The following PTAFR variants were observed in gnomAD, a reference collection of about 807,000 sequenced individuals.
The protein encoded by PTAFR is platelet-activating factor receptor.
In PTAFR, 8 loss-of-function variants were observed where a neutral mutation model predicts 14.7. The observed-to-expected ratio is 0.54, with a 90% CI of 0.32 to 0.98. The LOEUF is 0.98. Among genes scored for constraint, PTAFR ranks in the 50% least tolerant of loss-of-function variants. The probability of loss-of-function intolerance (pLI) is 0.04; values close to 1 mark genes in which losing one functional copy is unlikely to be tolerated. For synonymous variants in PTAFR, 156 were observed against 176.5 expected (o/e 0.88, Z 0.92); for missense variants, 337 against 451.2 (o/e 0.75, Z 2.29).
chr1:28,184,535 A>G lies in PTAFR; in HGVS notation c.-39+9187T>C, dbSNP rs530543861. Among the ~76,000 whole-genome samples the G allele has an allele frequency of 3.3e-5, 5 of 152,280 alleles. 1 individual carries two copies. Among genetic ancestry groups the G allele is most frequent in the African/African-American group, 1.2e-4 (5 of 41,576 alleles). On this transcript the variant is annotated intron_variant, in intron 1 of 1. Coordinates refer to the PTAFR transcript ENST00000305392. ...CTTTAAAGCACCCTCAAGACCCTGT[A>G]AGACCTCACCTCATCTCCTACATCT...
intron 1 of PTAFR, among the ~76,000 whole-genome samples, chr1:28,152,763 AAAT>A (rs1425416106): frequency 6.6e-6 from 1 of 152,064 alleles, no homozygotes; most frequent in Non-Finnish European, 1.5e-5. Context: ...AATAAGTAAT[AAAT>A]AATAATAAAA....
chr1:28,189,148 AAAT>A (rs1646630635), intron 1 of PTAFR, among the ~76,000 whole-genome samples: 1 of 152,272 alleles, frequency 6.6e-6, no homozygotes, highest in Non-Finnish European at 1.5e-5. Context: ...AAGAAAAATA[AAAT>A]AATAAAAAAT....
In PTAFR at chr1:28,150,994, C is replaced by A; in HGVS notation, c.28G>T (p.Asp10Tyr). The change falls in exon 2 of 2, where the codon GAC becomes TAC. Residue 10 changes from aspartate to tyrosine, a missense_variant. Coordinates refer to ENST00000373857, the MANE Select transcript of PTAFR (RefSeq NM_000952.5). This position sits in a 1 kb window ranked among gnomAD's most constrained non-coding sequence, Gnocchi z 6.3. The part of the protein sequence containing the change: MEPHDSSHM[D>Y]SEFRYTLFPI... Reference sequence around the variant, plus strand: ...AAGAGAGTGTATCGGAACTCAGAGTCCATGTGGGAGGAGTCATGTGGCTCC... The same window carrying A: ...AAGAGAGTGTATCGGAACTCAGAGTACATGTGGGAGGAGTCATGTGGCTCC... The A allele has an allele frequency of 6.2e-7, 1 of 1,601,892 alleles. No homozygotes were observed. Among genetic ancestry groups the A allele is most frequent in the South Asian group, 1.1e-5 (1 of 89,188 alleles).
chr1:28,181,144 G>T (rs114407651), upstream of PTAFR, among the ~76,000 whole-genome samples: 3,089 of 152,188 alleles, frequency 0.02, 117 homozygotes, highest in African/African-American at 0.07. Context: ...ACCACGCCCG[G>T]TCGTGTGTTA....
intron 1 of PTAFR, among the ~76,000 whole-genome samples, chr1:28,170,242 C>G (rs1259024655): frequency 4.6e-5 from 7 of 152,164 alleles, no homozygotes; most frequent in Admixed American, 3.9e-4. Context: ...TCCTACATAG[C>G]AAACACATGA....
chr1:28,175,062 C>A (rs894889176), intron 1 of PTAFR, among the ~76,000 whole-genome samples: 1 of 151,990 alleles, frequency 6.6e-6, no homozygotes, highest in Non-Finnish European at 1.5e-5. Flanking sequence ...GAGTAGCACC[C>A]GCCACCACGC....
upstream of PTAFR, among the ~76,000 whole-genome samples, chr1:28,179,266 G>C (rs919069506): frequency 2.0e-5 from 3 of 152,182 alleles, no homozygotes; most frequent in African/African-American, 7.2e-5. Flanking sequence ...GGATCAACCA[G>C]CCTCCATTGC....
In PTAFR at chr1:28,153,985, CAG is replaced by C. The variant is rs759573928; in HGVS notation, c.-38-2928_-38-2927del. 2.5e-3 allele frequency among the ~76,000 whole-genome samples: 375 copies of C among 147,608 alleles called. 1 individual carries two copies. The highest frequency in any genetic ancestry group is 4.0e-3 in the Non-Finnish European group (270 of 67,308). ...GGGAGGATCGCTGGAGCCCGGGAGG[CAG>C]AGGTTGCAGTGAGCGGAGATTGTGC... is the stretch of plus-strand genomic sequence containing the variant. On this transcript the variant is annotated intron_variant, in intron 1 of 1. Transcript: ENST00000373857.
At position 28,149,325 on chromosome 1, in the gene PTAFR, C is replaced by CTTTTTTTT. The variant is rs34668678; in HGVS notation, c.*660_*667dup. On this transcript the variant is annotated 3_prime_UTR_variant, in exon 2 of 2. Coordinates refer to ENST00000373857, the MANE Select transcript of PTAFR (RefSeq NM_000952.5). ...ATCACTTGAGAGTAGTTGCCCAAAGCTTTTTTTTTTTTTTTTTTTTTTTTT... is the reference window on the plus strand; with the variant it reads ...ATCACTTGAGAGTAGTTGCCCAAAGCTTTTTTTTTTTTTTTTTTTTTTTTTTTTTTTTT... The CTTTTTTTT allele has an allele frequency of 1.4e-5, 1 of 69,554 alleles. No homozygotes were observed. Among genetic ancestry groups the CTTTTTTTT allele is most frequent in the African/African-American group, 6.7e-5 (1 of 14,952 alleles). The allele number at this position is 69,554 out of a possible 1,614,324, so 4.3% of individuals were successfully genotyped here.
At position 28,153,254 on chromosome 1, in the gene PTAFR, GAACAA is replaced by G. The variant is rs565910090; in HGVS notation, c.-38-2200_-38-2196del. On this transcript the variant is annotated intron_variant, in intron 1 of 1. Transcript: ENST00000373857. The stretch of plus-strand genomic sequence containing the variant: ...AGACAACATAGTGAGACACCATTTC[GAACAA>G]AACAAAACAGTTGCTCCCTTCCCTC... 5.3e-5 allele frequency among the ~76,000 whole-genome samples: 8 copies of G among 152,226 alleles called. No homozygotes were observed. The South Asian group carries it at 1.7e-3, about 32-fold the overall frequency.
At position 28,150,827 on chromosome 1, in the gene PTAFR, G is replaced by A. The variant is rs755182739; in HGVS notation, c.195C>T (p.Leu65=). 2 of 1,614,170 alleles carry A rather than the reference G, an allele frequency of 1.2e-6. No individual in the cohort carries two copies. Among genetic ancestry groups the A allele is most frequent in the Admixed American group, 1.7e-5 (1 of 59,998 alleles). ...TCCAAAGTGGCAGGGTGATCAAGAA[G>A]AGCATGTCCGCCATGGTGAGGTTCA... The part of the protein sequence containing the change: ...FMVNLTMADM[L]FLITLPLWIV... The change falls in exon 2 of 2, where the codon CTC becomes CTT. Residue 65 remains leucine (L), a synonymous_variant. Transcript: ENST00000373857. The surrounding 1 kb of genome is among the most constrained non-coding windows in gnomAD (Gnocchi z 6.3).
At chr1:28,162,378 A>G (rs1572035153) in intron 1 of PTAFR, among the ~76,000 whole-genome samples, 1 of 152,068 alleles carries the variant, frequency 6.6e-6, no homozygotes, top group East Asian at 1.9e-4. Flanking sequence ...AGGATTGCCT[A>G]CTCCCCAGAC....
chr1:28,172,792 A>G lies in PTAFR; in HGVS notation c.-39+3800T>C, dbSNP rs539409329. ...GGCCTCAGCTGTGCCACTCACCCAC[A>G]TATCTTGACTGAGCCTCATTCCAGC... On this transcript the variant is annotated intron_variant, in intron 1 of 1. Coordinates refer to ENST00000373857, the MANE Select transcript of PTAFR (RefSeq NM_000952.5). Among the ~76,000 whole-genome samples the G allele has an allele frequency of 5.3e-5, 8 of 152,214 alleles. No individual in the cohort carries two copies. The South Asian group carries it at 1.0e-3, about 20-fold the overall frequency.
At chr1:28,164,834 C>T (rs1344462846) in intron 1 of PTAFR, among the ~76,000 whole-genome samples, 1 of 152,120 alleles carries the variant, frequency 6.6e-6, no homozygotes, top group Admixed American at 6.6e-5. Flanking sequence ...GGAAGAGATG[C>T]CTTTGACCTG....
At chr1:28,182,750 G>A (rs1433694964) in intron 1 of PTAFR, among the ~76,000 whole-genome samples, 1 of 152,128 alleles carries the variant, frequency 6.6e-6, no homozygotes, top group Admixed American at 6.6e-5. Context: ...GCACGATCTC[G>A]GCTCCCTGCA....
At chr1:28,192,637 G>T (rs748878140) in intron 1 of PTAFR, among the ~76,000 whole-genome samples, 132 of 147,056 alleles carry the variant, frequency 9.0e-4, no homozygotes, top group Non-Finnish European at 1.4e-3. Context: ...TAAATGCTGG[G>T]TTTTTTTTTT....
chr1:28,158,054 G>A (rs548163068), intron 1 of PTAFR, among the ~76,000 whole-genome samples: 1 of 152,334 alleles, frequency 6.6e-6, no homozygotes, highest in South Asian at 2.1e-4. Context: ...TCCCGGAGCT[G>A]AGCAGTGCCC....
At position 28,150,125 on chromosome 1, in the gene PTAFR, C is replaced by T. The variant is rs376681762; in HGVS notation, c.897G>A (p.Lys299=). The T allele has an allele frequency of 1.9e-6, 3 of 1,614,182 alleles. No homozygotes were observed. Among genetic ancestry groups the T allele is most frequent in the Non-Finnish European group, 2.5e-6 (3 of 1,180,034 alleles). Residue 299 remains lysine (K), a synonymous_variant, in exon 2 of 2, where the codon AAG becomes AAA. Coordinates refer to ENST00000373857, the MANE Select transcript of PTAFR (RefSeq NM_000952.5). This position sits in a 1 kb window ranked among gnomAD's most constrained non-coding sequence, Gnocchi z 6.3. ...DPVIYCFLTK[K]FRKHLTEKFY... is the part of the protein sequence containing the mutation. Reference sequence around the variant, plus strand: ...ACTTTTCGGTGAGGTGCTTGCGGAACTTCTTGGTGAGGAAACAGTAGATAA... The same window carrying T: ...ACTTTTCGGTGAGGTGCTTGCGGAATTTCTTGGTGAGGAAACAGTAGATAA...
chr1:28,164,001 G>A (rs1362506770), intron 1 of PTAFR, among the ~76,000 whole-genome samples: 1 of 152,244 alleles, frequency 6.6e-6, no homozygotes, highest in East Asian at 1.9e-4. Flanking sequence ...AAATATTCAT[G>A]AGACAGAAGA....
Sources: gnomAD v4.1 joint callset for allele counts (sites outside exome capture counted in the v4.1 genomes callset) on GRCh38, gnomAD v4.1.1 for gene constraint, Gnocchi (gnomAD v3.1) non-coding constraint, MANE v1.5 for transcripts, NCBI Gene and HGNC (gene_info 2026-07-23, HGNC 2026-07-21) for gene names.